RASA2: variants seen among roughly 807,000 people sequenced by gnomAD.
The protein encoded by RASA2 is ras GTPase-activating protein 2.
Under a neutral mutation model 118.2 loss-of-function variants are expected in RASA2, and 155 were observed. The observed-to-expected ratio is 1.31, with a 90% CI of 1.15 to 1.50. RASA2 has a LOEUF of 1.50. Among genes scored for constraint, RASA2 ranks in the 40% most tolerant of loss-of-function variants. The pLI is 0.00. For missense variants in RASA2, 1,016 were observed against 1,009.6 expected (o/e 1.01, Z -0.09); for synonymous variants, 353 against 349.1 (o/e 1.01, Z -0.12).
chr3:141,495,120 T>G (rs1000115014), intron 1 of RASA2, among the ~76,000 whole-genome samples: 43 of 152,264 alleles, frequency 2.8e-4, no homozygotes, highest in African/African-American at 1.0e-3. Context: ...AACACTGAAT[T>G]CTTTGCCAGG....
intron 14 of RASA2, among the ~76,000 whole-genome samples, chr3:141,576,178 G>A (rs1368232674): frequency 6.6e-6 from 1 of 152,156 alleles, no homozygotes; most frequent in African/African-American, 2.4e-5. Context: ...GACTATAGTA[G>A]TGACAGTTTT....
At chr3:141,512,315 C>G in intron 2 of RASA2, 35 bp downstream of exon 2, 1 of 1,353,084 alleles carries the variant, frequency 7.4e-7, no homozygotes, top group Non-Finnish European at 1.0e-6. Flanking sequence ...ATAATTTTTA[C>G]TATATAGATT....
intron 14 of RASA2, among the ~76,000 whole-genome samples, chr3:141,574,339 G>A (rs1320311390): frequency 3.3e-5 from 5 of 151,714 alleles, no homozygotes; most frequent in African/African-American, 4.8e-5. Flanking sequence ...ACAGGCGCCC[G>A]CCACCATGCC....
intron 4 of RASA2, among the ~76,000 whole-genome samples, chr3:141,536,714 C>G (rs914400142): frequency 5.3e-5 from 8 of 151,024 alleles, no homozygotes; most frequent in African/African-American, 1.5e-4. Flanking sequence ...AGTTGTAGAC[C>G]AAATCACATT....
At chr3:141,548,864 C>T (rs540125635) in intron 5 of RASA2, among the ~76,000 whole-genome samples, 4 of 152,182 alleles carry the variant, frequency 2.6e-5, no homozygotes, top group South Asian at 2.1e-4. Flanking sequence ...TCGCAGGTTC[C>T]GTAAACTCCC....
At position 141,573,166 on chromosome 3, in the gene RASA2, C is replaced by A; in HGVS notation, c.1304C>A (p.Ser435Tyr). The change falls in exon 13 of 24, where the codon TCC (serine) becomes TAC (tyrosine). Residue 435 changes from serine to tyrosine, a missense_variant. By Grantham distance (144) the Ser-to-Tyr change is moderately radical. Around this residue, in one of 2 missense-constraint regions of RASA2, gnomAD observed 896 missense variants for 836.4 expected, o/e 1.07. Transcript: ENST00000286364. ...TTTCAGATATGTGACTCCTCAAAAT[C>A]CTGTGAAATCGATCCTATTAAATTG... The part of the protein sequence containing the change: ...ILDEICDSSK[S>Y]CEIDPIKLKE... 2 of 1,543,182 alleles carry A rather than the reference C, an allele frequency of 1.3e-6. No homozygotes were observed. Among genetic ancestry groups the A allele is most frequent in the Non-Finnish European group, 1.7e-6 (2 of 1,154,148 alleles).
At chr3:141,612,185 C>T (rs2083662999) in intron 23 of RASA2, 98 bp from the exon 24 acceptor site, 1 of 902,770 alleles carries the variant, frequency 1.1e-6, no homozygotes. Context: ...GAGAGATTAT[C>T]CAGGGAAAAT....
intron 19 of RASA2, among the ~76,000 whole-genome samples, chr3:141,590,917 A>C (rs1294484258): frequency 6.6e-6 from 1 of 152,224 alleles, no homozygotes; most frequent in Non-Finnish European, 1.5e-5. Context: ...GGCAAGTGCT[A>C]ACAGGCAATA....
intron 2 of RASA2, among the ~76,000 whole-genome samples, chr3:141,514,590 G>A (rs955697118): frequency 6.6e-6 from 1 of 152,198 alleles, no homozygotes; most frequent in African/African-American, 2.4e-5. Flanking sequence ...ATTGCTGTTA[G>A]GGGTGTAAAA....
intron 3 of RASA2, among the ~76,000 whole-genome samples, chr3:141,527,137 A>G (rs2082196557): frequency 1.3e-5 from 2 of 152,190 alleles, no homozygotes; most frequent in Admixed American, 1.3e-4. Context: ...TGAATGAGGG[A>G]ATGAATTTGT....
At chr3:141,585,419 G>A (rs1025985358) in intron 17 of RASA2, among the ~76,000 whole-genome samples, 1 of 152,178 alleles carries the variant, frequency 6.6e-6, no homozygotes, top group Non-Finnish European at 1.5e-5. Context: ...TATTCAGAAT[G>A]TTATGTATTT....
intron 9 of RASA2, among the ~76,000 whole-genome samples, chr3:141,567,271 C>T (rs1403927075): frequency 6.6e-6 from 1 of 151,912 alleles, no homozygotes; most frequent in Non-Finnish European, 1.5e-5. Flanking sequence ...CAAAAATTAG[C>T]CCGGTGTGGT....
At chr3:141,522,396 A>G (rs2082123695) in intron 3 of RASA2, among the ~76,000 whole-genome samples, 1 of 152,080 alleles carries the variant, frequency 6.6e-6, no homozygotes. Flanking sequence ...GTACCTGAGC[A>G]TTTTCCATAT....
chr3:141,565,608 T>G (rs2082807514), intron 9 of RASA2, among the ~76,000 whole-genome samples: 1 of 152,152 alleles, frequency 6.6e-6, no homozygotes, highest in Non-Finnish European at 1.5e-5. Context: ...CTGCACAAGC[T>G]CTCTTGCCTG....
intron 1 of RASA2, among the ~76,000 whole-genome samples, chr3:141,495,352 C>T (rs2151068900): frequency 6.6e-6 from 1 of 152,228 alleles, no homozygotes; most frequent in East Asian, 1.9e-4. Context: ...ACCTACTGTG[C>T]TATTATGCCT....
intron 19 of RASA2, among the ~76,000 whole-genome samples, chr3:141,593,400 G>C (rs899804949): frequency 2.0e-5 from 3 of 152,052 alleles, no homozygotes; most frequent in African/African-American, 4.8e-5. Flanking sequence ...AGTCTAGCCA[G>C]TTTGAGGTGG....
At chr3:141,499,122 G>A in intron 1 of RASA2, among the ~76,000 whole-genome samples, 1 of 152,146 alleles carries the variant, frequency 6.6e-6, no homozygotes, top group East Asian at 1.9e-4. Context: ...TTAAGCTTCA[G>A]TGAAAAGTGA....
intron 1 of RASA2, among the ~76,000 whole-genome samples, chr3:141,492,294 A>G (rs893531353): frequency 1.3e-4 from 20 of 152,226 alleles, no homozygotes; most frequent in African/African-American, 1.7e-4. Flanking sequence ...ATTTGACAAT[A>G]ATATCAGATT....
At chr3:141,600,316 G>A in intron 19 of RASA2, 1 of 537,892 alleles carries the variant, frequency 1.9e-6, no homozygotes, top group Admixed American at 1.9e-5. Context: ...TGCACTGTCT[G>A]ATGTCCAAAG....
Sources: allele counts gnomAD v4.1 joint callset (sites outside exome capture counted in the v4.1 genomes callset), GRCh38; gene constraint gnomAD v4.1.1; regional missense constraint gnomAD v4.1.1; transcripts MANE v1.5; gene names NCBI Gene and HGNC (gene_info 2026-07-23, HGNC 2026-07-21).